Variants in WASHC3 observed in about 807,000 individuals in gnomAD.
The protein encoded by WASHC3 is WASH complex subunit CCDC53.
In WASHC3, 24 loss-of-function variants were observed where a neutral mutation model predicts 26.1. The ratio of observed to expected loss-of-function variants is 0.92; its 90% confidence interval spans 0.66 to 1.29. WASHC3 has a LOEUF of 1.29. Ranked by LOEUF, WASHC3 falls within the 50% of genes most tolerant of loss-of-function variation. WASHC3 has a pLI of 0.00. For missense variants in WASHC3, 214 were observed against 229.6 expected (o/e 0.93, Z 0.44); for synonymous variants, 77 against 75.7 (o/e 1.02, Z -0.09).
At chr12:102,036,170 G>A (rs1338640907) in intron 5 of WASHC3, among the ~76,000 whole-genome samples, 1 of 152,060 alleles carries the variant, frequency 6.6e-6, no homozygotes, top group African/African-American at 2.4e-5. Flanking sequence ...CACCAGCCTG[G>A]CCAACAGGGC....
Position 102,043,981 on chromosome 12 carries a change from A to G in WASHC3, c.324+124T>C, listed in dbSNP as rs115247989. ...TTGTTTTTCCCAAACTTCATTTTCT[A>G]TGTTAAGGTTTTAAAATTTTACTAT... is the stretch of plus-strand genomic sequence containing the variant. On this transcript the variant is annotated intron_variant, in intron 4 of 6. Coordinates refer to ENST00000240079, the MANE Select transcript of WASHC3 (RefSeq NM_016053.4). The G allele has an allele frequency of 5.2e-3, 2,519 of 484,420 alleles. 48 individuals are homozygous for G. Among genetic ancestry groups the G allele is most frequent in the African/African-American group, 0.045 (2,261 of 49,928 alleles). The allele number at this position is 484,420 out of a possible 1,614,324, so 30.0% of individuals were successfully genotyped here.
intron 5 of WASHC3, among the ~76,000 whole-genome samples, chr12:102,035,103 G>T (rs1242520646): frequency 6.6e-6 from 1 of 151,990 alleles, no homozygotes; most frequent in Non-Finnish European, 1.5e-5. Flanking sequence ...TTTAGATAAG[G>T]CTTTCTTAAA....
intron 2 of WASHC3, 60 bp from the exon 3 acceptor site, chr12:102,046,179 T>A: frequency 2.3e-6 from 2 of 870,312 alleles, no homozygotes; most frequent in South Asian, 1.5e-5. Flanking sequence ...TAACAATAAC[T>A]AAGGGCAGAT....
intron 3 of WASHC3, among the ~76,000 whole-genome samples, chr12:102,044,699 C>T (rs540252562): frequency 6.6e-6 from 1 of 152,280 alleles, no homozygotes; most frequent in African/African-American, 2.4e-5. Flanking sequence ...TGTCTTTACA[C>T]TTTAATGTGT....
chr12:102,018,376 C>T (rs1414071658), intron 6 of WASHC3, among the ~76,000 whole-genome samples: 1 of 152,196 alleles, frequency 6.6e-6, no homozygotes, highest in Non-Finnish European at 1.5e-5. Flanking sequence ...TAAGGGATCA[C>T]AATACTCTTT....
At chr12:102,045,007 C>T (rs779132978) in intron 3 of WASHC3, among the ~76,000 whole-genome samples, 12 of 151,936 alleles carry the variant, frequency 7.9e-5, no homozygotes, top group Non-Finnish European at 1.5e-4. Context: ...ATTTAATGTG[C>T]GACCTTGGAC....
At chr12:102,053,413 A>G (rs1594371262) in intron 2 of WASHC3, among the ~76,000 whole-genome samples, 1 of 152,220 alleles carries the variant, frequency 6.6e-6, no homozygotes, top group Non-Finnish European at 1.5e-5. Flanking sequence ...GCCATGCACC[A>G]CAACAGATGG....
At chr12:102,033,128 ATAGT>A (rs150377851) in intron 5 of WASHC3, among the ~76,000 whole-genome samples, 5,946 of 152,230 alleles carry the variant, frequency 0.039, 161 homozygotes, top group African/African-American at 0.071. Context: ...ATTCCAGGCG[ATAGT>A]TAGTACCCAG....
intron 6 of WASHC3, chr12:102,019,461 A>G (rs1459488692): frequency 7.1e-6 from 2 of 280,950 alleles, no homozygotes; most frequent in Admixed American, 1.0e-4. Flanking sequence ...CTCCCAATTC[A>G]AAGAAAACAC....
intron 5 of WASHC3, among the ~76,000 whole-genome samples, chr12:102,029,693 C>A (rs1294400656): frequency 6.6e-6 from 1 of 151,846 alleles, no homozygotes; most frequent in Non-Finnish European, 1.5e-5. Context: ...ACTAAAAATG[C>A]TCCTTATATT....
At chr12:102,041,789 G>A (rs1877950059) in intron 4 of WASHC3, among the ~76,000 whole-genome samples, 1 of 152,032 alleles carries the variant, frequency 6.6e-6, no homozygotes, top group Non-Finnish European at 1.5e-5. Context: ...TTTTATCACA[G>A]TATTTCAAAC....
chr12:102,061,822 G>A lies in WASHC3; in HGVS notation c.51+90C>T. ...AGGGCCCGAGGCCGTGACAGGGTGG[G>A]GACTCGGAAGGTGGGTGTCTCCCCG... On this transcript the variant is annotated intron_variant, in intron 1 of 6. Transcript: ENST00000240079. 2.6e-6 allele frequency: 3 copies of A among 1,139,716 alleles called. No individual in the cohort carries two copies. In the Admixed American group the frequency reaches 6.4e-5, roughly 24 times the overall value. 70.6% of individuals were successfully genotyped at this position (1,139,716 alleles called of 1,614,324 possible). A position where few individuals can be genotyped will look rare whatever the true frequency, so the allele number is the denominator to read the frequency against.
At chr12:102,053,611 C>G (rs1878477326) in intron 2 of WASHC3, among the ~76,000 whole-genome samples, 1 of 152,192 alleles carries the variant, frequency 6.6e-6, no homozygotes. Flanking sequence ...GACCCTTCTT[C>G]ACAACGAATC....
chr12:102,054,432 C>T (rs1213647615), intron 2 of WASHC3, among the ~76,000 whole-genome samples: 2 of 152,200 alleles, frequency 1.3e-5, no homozygotes, highest in African/African-American at 2.4e-5. Context: ...AATCCCAGCA[C>T]TTTGGGATGC....
intron 2 of WASHC3, among the ~76,000 whole-genome samples, chr12:102,053,813 T>C (rs1429877384): frequency 1.3e-5 from 2 of 152,236 alleles, no homozygotes; most frequent in African/African-American, 4.8e-5. Flanking sequence ...AATATTCTAA[T>C]ACTGTCATGG....
chr12:102,023,728 GGT>G (rs1877053045), intron 6 of WASHC3, among the ~76,000 whole-genome samples: 1 of 152,164 alleles, frequency 6.6e-6, no homozygotes, highest in African/African-American at 2.4e-5. Context: ...CAGTGCCCCT[GGT>G]GACCAATGGC....
chr12:102,046,349 G>A (rs1253420799), intron 2 of WASHC3, among the ~76,000 whole-genome samples: 4 of 151,872 alleles, frequency 2.6e-5, no homozygotes, highest in South Asian at 2.1e-4. Context: ...AGGCTGGAGC[G>A]CAGTGGTGCG....
chr12:102,050,547 G>C, intron 2 of WASHC3: 1 of 452,264 alleles, frequency 2.2e-6, no homozygotes, highest in Non-Finnish European at 4.4e-6. Flanking sequence ...GGAGGCTGAG[G>C]TGGGAGGATC....
In WASHC3 at chr12:102,061,264, G is replaced by A; in HGVS notation, c.134C>T (p.Ser45Phe). The A allele has an allele frequency of 6.2e-7, 1 of 1,613,582 alleles. No individual in the cohort carries two copies. Among genetic ancestry groups the A allele is most frequent in the Non-Finnish European group, 8.5e-7 (1 of 1,179,572 alleles). ...CGGACCTACCTCCTCACAAACTGTA[G>A]AAAAGCGGTTGAGGAACTGTACAGT... ...VHTVQFLNRF[S>F]TVCEEKLADL... Residue 45 changes from serine (S) to phenylalanine (F), a missense_variant, in exon 2 of 7, where the codon TCT becomes TTT. Ser to Phe is a radical substitution (Grantham distance 155). Transcript: ENST00000240079.
Sources: allele counts gnomAD v4.1 joint callset (sites outside exome capture counted in the v4.1 genomes callset), GRCh38; gene constraint gnomAD v4.1.1; transcripts MANE v1.5; gene names NCBI Gene and HGNC (gene_info 2026-07-23, HGNC 2026-07-21).